The following CHCHD3 variants were observed in gnomAD, a reference collection of about 807,000 sequenced individuals.
CHCHD3 encodes the protein coiled-coil-helix-coiled-coil-helix domain containing 3, also known as MICOS complex subunit MIC19.
CHCHD3 carries 20 observed loss-of-function variants against 38.2 expected under a neutral mutation model. That is an observed-to-expected ratio of 0.52 (90% CI 0.37 to 0.76). The LOEUF is 0.76. Ranked by LOEUF, CHCHD3 falls within the 30% of genes least tolerant of loss-of-function variation. The pLI is 0.00. For missense variants in CHCHD3, 245 were observed against 279.2 expected, an observed-to-expected ratio of 0.88 and a Z score of 0.87; for synonymous variants, 82 against 100.0, an observed-to-expected ratio of 0.82 and a Z score of 1.07.
intron 2 of CHCHD3, among the ~76,000 whole-genome samples, chr7:133,045,423 C>G (rs553122542): frequency 6.6e-6 from 1 of 152,284 alleles, no homozygotes; most frequent in South Asian, 2.1e-4. Context: ...GAGAACTGAA[C>G]TGAAACTCTC....
chr7:132,896,064 G>T (rs1227678918), intron 4 of CHCHD3, among the ~76,000 whole-genome samples: 1 of 152,168 alleles, frequency 6.6e-6, no homozygotes, highest in Non-Finnish European at 1.5e-5. Flanking sequence ...TTGGGGTTGG[G>T]TCTGCTTGTG....
chr7:132,862,617 C>A (rs1477291778), intron 5 of CHCHD3, among the ~76,000 whole-genome samples: 1 of 152,146 alleles, frequency 6.6e-6, no homozygotes, highest in East Asian at 1.9e-4. Context: ...AAGTTTGCCA[C>A]ATCAATTCAT....
chr7:132,904,230 C>T (rs945955981), intron 4 of CHCHD3, among the ~76,000 whole-genome samples: 3 of 151,442 alleles, frequency 2.0e-5, no homozygotes, highest in Non-Finnish European at 2.9e-5. Flanking sequence ...CACTGTACTC[C>T]AAGCCTGGAT....
At chr7:133,076,968 TGTGA>T (rs569666863) in intron 1 of CHCHD3, among the ~76,000 whole-genome samples, 200 of 152,304 alleles carry the variant, frequency 1.3e-3, no homozygotes, top group Admixed American at 2.1e-3. Context: ...TCATTTTCTG[TGTGA>T]GTATTAGTTT....
At chr7:132,821,265 T>C (rs1370628266) in intron 6 of CHCHD3, among the ~76,000 whole-genome samples, 3 of 152,196 alleles carry the variant, frequency 2.0e-5, no homozygotes, top group Non-Finnish European at 2.9e-5. Flanking sequence ...AAAACATAAA[T>C]GGACCTCATT....
At chr7:132,824,383 A>T (rs1807456099) in intron 6 of CHCHD3, among the ~76,000 whole-genome samples, 1 of 128,898 alleles carries the variant, frequency 7.8e-6, no homozygotes, top group Non-Finnish European at 1.6e-5. Context: ...CAGTGGCATG[A>T]TCTCGGCTCA....
At chr7:132,818,692 G>C (rs1291810428) in intron 6 of CHCHD3, among the ~76,000 whole-genome samples, 1 of 152,062 alleles carries the variant, frequency 6.6e-6, no homozygotes, top group Non-Finnish European at 1.5e-5. Context: ...AAAAAAAACA[G>C]TCCTTAAAAA....
chr7:133,057,134 G>T (rs758862548), intron 2 of CHCHD3, among the ~76,000 whole-genome samples: 12 of 152,204 alleles, frequency 7.9e-5, no homozygotes, highest in Admixed American at 3.9e-4. Flanking sequence ...GCTGGTTCAA[G>T]TTACACCTAT....
intron 4 of CHCHD3, among the ~76,000 whole-genome samples, chr7:132,913,467 G>C (rs1363479696): frequency 6.6e-6 from 1 of 152,092 alleles, no homozygotes; most frequent in Non-Finnish European, 1.5e-5. Flanking sequence ...AAAAAAACAG[G>C]TCCCCCAGGC....
intron 1 of CHCHD3, among the ~76,000 whole-genome samples, chr7:133,072,210 G>A (rs1179903936): frequency 1.3e-5 from 2 of 151,030 alleles, no homozygotes; most frequent in African/African-American, 2.4e-5. Flanking sequence ...ACTTAAAATG[G>A]ATGAATTTCA....
At chr7:132,897,968 C>G (rs975393084) in intron 4 of CHCHD3, among the ~76,000 whole-genome samples, 4 of 151,944 alleles carry the variant, frequency 2.6e-5, no homozygotes, top group African/African-American at 7.3e-5. Context: ...TTCCTTCTGG[C>G]GGGTTCGTGG....
intron 4 of CHCHD3, among the ~76,000 whole-genome samples, chr7:132,966,204 C>T (rs568337711): frequency 5.4e-4 from 82 of 152,240 alleles, no homozygotes; most frequent in African/African-American, 1.9e-3. Flanking sequence ...CTTGAGAGAA[C>T]GGAAGCCTTA....
chr7:132,985,941 G>A (rs7802163), intron 3 of CHCHD3, among the ~76,000 whole-genome samples: 31,815 of 151,704 alleles, frequency 0.21, 3,634 homozygotes, highest in South Asian at 0.28. Context: ...TGATGACCAT[G>A]GCGGTTTTGT....
At chr7:133,039,575 T>C (rs17166873) in intron 2 of CHCHD3, among the ~76,000 whole-genome samples, 11,264 of 152,268 alleles carry the variant, frequency 0.074, 940 homozygotes, top group East Asian at 0.21. Flanking sequence ...GGAAAAGAAC[T>C]TGCATGTCAG....
At chr7:132,897,533 G>A (rs917518528) in intron 4 of CHCHD3, among the ~76,000 whole-genome samples, 1 of 152,194 alleles carries the variant, frequency 6.6e-6, no homozygotes, top group African/African-American at 2.4e-5. Flanking sequence ...TGTCTGCTAA[G>A]GGAATTCTTG....
chr7:133,017,689 C>G (rs1427260451), intron 3 of CHCHD3, among the ~76,000 whole-genome samples: 1 of 152,168 alleles, frequency 6.6e-6, no homozygotes, highest in Non-Finnish European at 1.5e-5. Context: ...TTGATTGACT[C>G]TGGTTTTCCA....
chr7:132,986,544 A>G (rs1812129987), intron 3 of CHCHD3, among the ~76,000 whole-genome samples: 1 of 152,234 alleles, frequency 6.6e-6, no homozygotes, highest in African/African-American at 2.4e-5. Flanking sequence ...TATGTGATAG[A>G]TTAAAGGCGA....
intron 6 of CHCHD3, among the ~76,000 whole-genome samples, chr7:132,834,833 T>C (rs1015109866): frequency 1.3e-5 from 2 of 152,148 alleles, no homozygotes. Context: ...TATTGGAGCC[T>C]CATTAAACTG....
In CHCHD3 at chr7:132,838,379, T is replaced by A. The variant is rs199868929; in HGVS notation, c.524+20A>T. On this transcript the variant is annotated intron_variant, in intron 6 of 7. Coordinates refer to ENST00000262570, the MANE Select transcript of CHCHD3 (RefSeq NM_017812.4). ...TCTTGTTAAGAATAGTAAATAATTA[T>A]AATACTATTAAAAACTTACTTGAAC... 972 of 1,507,174 alleles carry A rather than the reference T, an allele frequency of 6.4e-4. 25 individuals carry two copies. The South Asian group carries it at 0.011, about 16-fold the overall frequency. The allele number at this position is 1,507,174 out of a possible 1,614,324, so 93.4% of individuals were successfully genotyped here.
Sources: allele counts gnomAD v4.1 joint callset (sites outside exome capture counted in the v4.1 genomes callset), GRCh38; gene constraint gnomAD v4.1.1; transcripts MANE v1.5; gene names NCBI Gene and HGNC (gene_info 2026-07-23, HGNC 2026-07-21).